RTTN: variants seen among roughly 807,000 people sequenced by gnomAD.
RTTN encodes the protein rotatin.
RTTN carries 182 observed loss-of-function variants against 269.2 expected under a neutral mutation model. That is an observed-to-expected ratio of 0.68 (90% CI 0.60 to 0.76). RTTN has a LOEUF of 0.76. Ranked by LOEUF, RTTN falls within the 30% of genes least tolerant of loss-of-function variation. RTTN has a pLI of 0.00. For synonymous variants in RTTN, 1,006 were observed against 963.5 expected (o/e 1.04, Z -0.82); for missense variants, 2,545 against 2,608.6 (o/e 0.98, Z 0.53).
At chr18:70,070,741 C>T (rs2058272693) in intron 34 of RTTN, among the ~76,000 whole-genome samples, 1 of 152,168 alleles carries the variant, frequency 6.6e-6, no homozygotes, top group African/African-American at 2.4e-5. Context: ...ACATTCTACT[C>T]CAAACAACCT....
At position 70,017,621 on chromosome 18, in the gene RTTN, T is replaced by G. The variant is rs1405948437; in HGVS notation, c.6207A>C (p.Lys2069Asn). The G allele has an allele frequency of 6.2e-7, 1 of 1,613,760 alleles. No homozygotes were observed. Among genetic ancestry groups the G allele is most frequent in the Non-Finnish European group, 8.5e-7 (1 of 1,179,730 alleles). The change falls in exon 46 of 49, where the codon AAA (lysine) becomes AAC (asparagine). Residue 2069 changes from lysine (K) to asparagine (N), a missense_variant. Lys to Asn is a moderately conservative substitution (Grantham distance 94). Coordinates refer to ENST00000640769, the MANE Select transcript of RTTN (RefSeq NM_173630.4). ...AAAGAATAGTCAGATTACTTAGATGTTTATTTCCTCCTTTTGGCAATGCTA... is the reference window on the plus strand; with the variant it reads ...AAAGAATAGTCAGATTACTTAGATGGTTATTTCCTCCTTTTGGCAATGCTA... Reference protein sequence around the residue: ...LSLALPKGGNKHLSNLTILWL... With the variant: ...LSLALPKGGNNHLSNLTILWL...
At chr18:70,108,251 T>C (rs1441774280) in intron 28 of RTTN, among the ~76,000 whole-genome samples, 3 of 151,000 alleles carry the variant, frequency 2.0e-5, no homozygotes, top group African/African-American at 4.9e-5. Flanking sequence ...CACTCCAGCC[T>C]GGGCAACAGA....
chr18:70,158,050 C>A (rs1464281507), intron 14 of RTTN, among the ~76,000 whole-genome samples: 1 of 152,058 alleles, frequency 6.6e-6, no homozygotes, highest in Non-Finnish European at 1.5e-5. Flanking sequence ...ACGAAAATTT[C>A]TCCAACCTCA....
At chr18:70,107,027 C>G (rs915195344) in intron 28 of RTTN, among the ~76,000 whole-genome samples, 2 of 152,170 alleles carry the variant, frequency 1.3e-5, no homozygotes, top group African/African-American at 4.8e-5. Flanking sequence ...CCTACATAAA[C>G]AGCAAAAGCA....
At position 70,133,133 on chromosome 18, in the gene RTTN, G is replaced by A. The variant is rs116704037; in HGVS notation, c.2954+1340C>T. ...CTATGCCTACAGCACACTTACTAGA[G>A]AACATATTTTCTATTTGGGACATGA... is the stretch of plus-strand genomic sequence containing the variant. On this transcript the variant is annotated intron_variant, in intron 23 of 48. Transcript: ENST00000640769. 3.3e-3 allele frequency among the ~76,000 whole-genome samples: 500 copies of A among 152,220 alleles called. 3 individuals are homozygous for A. Among genetic ancestry groups the A allele is most frequent in the African/African-American group, 0.011 (475 of 41,522 alleles).
intron 32 of RTTN, among the ~76,000 whole-genome samples, chr18:70,078,549 T>C (rs1344796168): frequency 6.6e-6 from 1 of 151,878 alleles, no homozygotes; most frequent in East Asian, 1.9e-4. Context: ...CCCAAATCAA[T>C]TTTTAAATTA....
intron 46 of RTTN, 41 bp from the exon 47 acceptor site, chr18:70,006,525 C>T: frequency 2.1e-6 from 3 of 1,420,434 alleles, no homozygotes; most frequent in South Asian, 1.2e-5. Context: ...CAGTCCCAGA[C>T]ACTGCATTGT....
At position 70,017,591 on chromosome 18, in the gene RTTN, C is replaced by T. The variant is rs1231105467; in HGVS notation, c.6237G>A (p.Leu2079=). 2 of 1,614,028 alleles carry T rather than the reference C, an allele frequency of 1.2e-6. No homozygotes were observed. The highest frequency in any genetic ancestry group is 1.7e-6 in the Non-Finnish European group (2 of 1,179,926). ...CAGATGATATATTCAGGAGTAACTT[C>T]AACCAAAGAATAGTCAGATTACTTA... The part of the protein sequence containing the change: ...KHLSNLTILW[L]KLLLNISSGE... Residue 2079 remains leucine (L), a synonymous_variant, in exon 46 of 49, where the codon TTG becomes TTA. Transcript: ENST00000640769.
intron 10 of RTTN, 71 bp downstream of exon 10, chr18:70,188,037 A>T: frequency 1.2e-6 from 1 of 824,014 alleles, no homozygotes; most frequent in Non-Finnish European, 2.1e-6. Context: ...GAGACAATGA[A>T]ACCGGCTTAA....
intron 11 of RTTN, among the ~76,000 whole-genome samples, chr18:70,175,045 C>CAAAAAAAAA (rs5825998): frequency 3.9e-3 from 339 of 86,328 alleles, no homozygotes; most frequent in Middle Eastern, 0.022. Context: ...AAACCAAAAC[C>CAAAAAAAAA]AAAAAAAAAA....
chr18:70,155,623 C>A lies in RTTN; in HGVS notation c.1930-4890G>T, dbSNP rs555014569. Among the ~76,000 whole-genome samples, 49 of 152,318 alleles carry A rather than the reference C, an allele frequency of 3.2e-4. 1 individual carries two copies. The South Asian group carries it at 9.9e-3, about 31-fold the overall frequency. On this transcript the variant is annotated intron_variant, in intron 14 of 48. Coordinates refer to ENST00000640769, the MANE Select transcript of RTTN (RefSeq NM_173630.4). The stretch of plus-strand genomic sequence containing the variant: ...ACCTTTGAGTTGCAAGGGAGAACTG[C>A]CCAATGAGTTGCCAGAGACAGAATG...
intron 48 of RTTN, 145 bp from the exon 49 acceptor site, chr18:70,004,381 A>G: frequency 2.1e-6 from 1 of 474,430 alleles, no homozygotes. Flanking sequence ...GCATTCCAGA[A>G]TATTTTGCAT....
chr18:70,201,607 CAAAAAAAAAAAA>C (rs34966295), intron 4 of RTTN, among the ~76,000 whole-genome samples: 3 of 41,006 alleles, frequency 7.3e-5, no homozygotes, highest in African/African-American at 1.3e-4. Flanking sequence ...GACTCCATCT[CAAAAAAAAAAAA>C]AAAAAAAAAA....
intron 28 of RTTN, among the ~76,000 whole-genome samples, chr18:70,100,477 G>C (rs967077790): frequency 1.3e-5 from 2 of 152,098 alleles, no homozygotes; most frequent in Non-Finnish European, 2.9e-5. Context: ...GGAGATTTTG[G>C]GCTGAGACGA....
chr18:70,195,546 C>G (rs1426122390), intron 7 of RTTN, among the ~76,000 whole-genome samples: 2 of 152,174 alleles, frequency 1.3e-5, no homozygotes, highest in African/African-American at 2.4e-5. Flanking sequence ...AAGTACTTCT[C>G]CTTATCTCAA....
At chr18:70,162,904 A>C (rs1363156844) in intron 14 of RTTN, among the ~76,000 whole-genome samples, 1 of 146,730 alleles carries the variant, frequency 6.8e-6, no homozygotes, top group African/African-American at 2.5e-5. Context: ...AAAAAAAAAA[A>C]CAGAAACTAA....
In RTTN at chr18:70,128,424, T is replaced by C. The variant is rs201124800; in HGVS notation, c.3077A>G (p.Asn1026Ser). The C allele has an allele frequency of 1.3e-5, 21 of 1,613,262 alleles. No individual in the cohort carries two copies. In the African/African-American group the frequency reaches 1.7e-4, roughly 13 times the overall value. Reference sequence around the variant, plus strand: ...ATCACTCCCATGATACCATGACAGGTTCCAAGCTATTCTCAGCATATCTGA... The same window carrying C: ...ATCACTCCCATGATACCATGACAGGCTCCAAGCTATTCTCAGCATATCTGA... The part of the protein sequence containing the change: ...PVSDMLRIAW[N>S]LSWYHGSDNL... Residue 1026 changes from asparagine (N) to serine (S), a missense_variant, in exon 24 of 49, where the codon AAC (asparagine) becomes AGC (serine). By Grantham distance (46) the Asn-to-Ser change is conservative. Transcript: ENST00000640769.
At position 70,150,080 on chromosome 18, in the gene RTTN, G is replaced by A. The variant is rs773285921; in HGVS notation, c.2063C>T (p.Thr688Ile). 1.2e-6 allele frequency: 2 copies of A among 1,608,462 alleles called. No individual in the cohort carries two copies. The highest frequency in any genetic ancestry group is 1.7e-4 in the Middle Eastern group (1 of 6,034). ...GTATAACAGAATGGCCTTGGCAGCA[G>A]TGTTCACCTGCTCAACAACACAGAC... is the stretch of plus-strand genomic sequence containing the variant. ...GIQEPESEVN[T>I]AAKAILLYLL... The change falls in exon 16 of 49, where the codon ACT becomes ATT. Residue 688 changes from threonine (T) to isoleucine (I), a missense_variant. Physicochemically the swap from Thr to Ile is moderately conservative, Grantham distance 89 (BLOSUM62 -1). Coordinates refer to ENST00000640769, the MANE Select transcript of RTTN (RefSeq NM_173630.4).
At chr18:70,150,122 A>G (rs1374385740) in intron 15 of RTTN, 35 bp from the exon 16 acceptor site, 2 of 1,377,446 alleles carry the variant, frequency 1.5e-6, no homozygotes, top group African/African-American at 2.9e-5. Flanking sequence ...AACCAGTCAA[A>G]TGAGATGTCC....
Sources: gnomAD v4.1 joint callset for allele counts (sites outside exome capture counted in the v4.1 genomes callset) on GRCh38, gnomAD v4.1.1 for gene constraint, MANE v1.5 for transcripts, NCBI Gene and HGNC (gene_info 2026-07-23, HGNC 2026-07-21) for gene names.